The following FILIP1L variants were observed in gnomAD, a reference collection of about 807,000 sequenced individuals.
The protein encoded by FILIP1L is filamin A interacting protein 1 like.
Under a neutral mutation model 96.6 loss-of-function variants are expected in FILIP1L, and 55 were observed. The observed-to-expected ratio is 0.57, with a 90% CI of 0.46 to 0.71. The LOEUF (loss-of-function observed/expected upper bound fraction) is 0.71. Ranked by LOEUF, FILIP1L falls within the 30% of genes least tolerant of loss-of-function variation. The pLI is 0.00. For missense variants in FILIP1L, 1,304 were observed against 1,321.2 expected, an observed-to-expected ratio of 0.99 and a Z score of 0.20; for synonymous variants, 467 against 473.9, an observed-to-expected ratio of 0.99 and a Z score of 0.19.
intron 1 of FILIP1L, among the ~76,000 whole-genome samples, chr3:100,057,986 G>T (rs2065494374): frequency 6.6e-6 from 1 of 152,318 alleles, no homozygotes; most frequent in African/African-American, 2.4e-5. Context: ...ATTAGAGGCT[G>T]ACTCTCTGTG....
At chr3:100,076,877 A>T (rs1450836709) in intron 1 of FILIP1L, among the ~76,000 whole-genome samples, 1 of 152,208 alleles carries the variant, frequency 6.6e-6, no homozygotes, top group African/African-American at 2.4e-5. Context: ...TTTCTTGCCC[A>T]CTATTATGTC....
At chr3:99,840,396 G>A (rs1394436677) in intron 5 of FILIP1L, among the ~76,000 whole-genome samples, 2 of 151,708 alleles carry the variant, frequency 1.3e-5, no homozygotes, top group Non-Finnish European at 2.9e-5. Flanking sequence ...GCTAATTTTT[G>A]TATTTTTAGT....
chr3:100,050,331 A>G (rs1322384698), intron 1 of FILIP1L, among the ~76,000 whole-genome samples: 1 of 152,208 alleles, frequency 6.6e-6, no homozygotes, highest in Non-Finnish European at 1.5e-5. Flanking sequence ...AGTTTGGGCA[A>G]TATCAGAGAA....
chr3:100,049,866 T>C (rs1475754744), intron 1 of FILIP1L, among the ~76,000 whole-genome samples: 1 of 152,226 alleles, frequency 6.6e-6, no homozygotes, highest in East Asian at 1.9e-4. Context: ...ATTTTATCAA[T>C]AAGGCTTCTG....
intron 1 of FILIP1L, among the ~76,000 whole-genome samples, chr3:100,101,009 T>C (rs2066295125): frequency 2.6e-5 from 4 of 152,196 alleles, no homozygotes; most frequent in African/African-American, 9.6e-5. Context: ...CAGTGGCATC[T>C]CACTTGCATG....
At chr3:100,033,446 G>A (rs896672085) in intron 1 of FILIP1L, among the ~76,000 whole-genome samples, 4 of 152,134 alleles carry the variant, frequency 2.6e-5, no homozygotes, top group African/African-American at 9.7e-5. Context: ...AGAGCTTTGT[G>A]TTATCTTCTT....
intron 1 of FILIP1L, among the ~76,000 whole-genome samples, chr3:100,010,964 A>G (rs575079705): frequency 1.4e-4 from 22 of 151,986 alleles, no homozygotes; most frequent in Non-Finnish European, 2.9e-4. Context: ...AAGTCTACAA[A>G]TAATTGCCCC....
chr3:99,892,124 G>A (rs777532352), intron 4 of FILIP1L, among the ~76,000 whole-genome samples: 1 of 152,152 alleles, frequency 6.6e-6, no homozygotes, highest in Non-Finnish European at 1.5e-5. Context: ...AATATCACTG[G>A]AGTCTCATTC....
chr3:100,082,116 T>G (rs576163430), intron 1 of FILIP1L, among the ~76,000 whole-genome samples: 2 of 152,272 alleles, frequency 1.3e-5, no homozygotes, highest in South Asian at 4.1e-4. Context: ...TTCAGTTCAG[T>G]CTTTAAAATG....
intron 1 of FILIP1L, among the ~76,000 whole-genome samples, chr3:99,979,893 A>T (rs1709071500): frequency 6.6e-6 from 1 of 152,146 alleles, no homozygotes; most frequent in African/African-American, 2.4e-5. Flanking sequence ...AAAGAGAGAG[A>T]GCGGGACAAA....
intron 1 of FILIP1L, among the ~76,000 whole-genome samples, chr3:100,095,787 A>G (rs1278221037): frequency 1.3e-5 from 2 of 152,184 alleles, no homozygotes; most frequent in Admixed American, 6.5e-5. Flanking sequence ...ACATCAACTT[A>G]AAAAGCTTCT....
intron 5 of FILIP1L, chr3:99,833,251 AGTG>A: frequency 6.2e-7 from 1 of 1,612,284 alleles, no homozygotes; most frequent in South Asian, 1.1e-5. Context: ...AGGCAGAAGA[AGTG>A]GTTCCACCTA....
At chr3:99,969,958 C>G (rs925173406) in intron 1 of FILIP1L, among the ~76,000 whole-genome samples, 1 of 152,100 alleles carries the variant, frequency 6.6e-6, no homozygotes, top group Non-Finnish European at 1.5e-5. Context: ...TGAAATTCAA[C>G]AAATGAGGCT....
At chr3:99,974,035 C>T (rs1055199418) in intron 1 of FILIP1L, among the ~76,000 whole-genome samples, 4 of 152,200 alleles carry the variant, frequency 2.6e-5, no homozygotes, top group Non-Finnish European at 4.4e-5. Flanking sequence ...CAATTCCTTC[C>T]AAGTTTAAGA....
At chr3:99,987,812 T>C (rs1473712876) in intron 1 of FILIP1L, among the ~76,000 whole-genome samples, 1 of 152,196 alleles carries the variant, frequency 6.6e-6, no homozygotes, top group South Asian at 2.1e-4. Context: ...AAAAGAAATG[T>C]TTTTATTAAC....
At chr3:100,039,406 A>G (rs1028594495) in intron 1 of FILIP1L, among the ~76,000 whole-genome samples, 13 of 152,214 alleles carry the variant, frequency 8.5e-5, no homozygotes, top group Non-Finnish European at 1.9e-4. Flanking sequence ...TATGTAGTAT[A>G]AAGATTTCAC....
At chr3:100,094,014 T>C (rs1559755243) in intron 1 of FILIP1L, among the ~76,000 whole-genome samples, 1 of 152,216 alleles carries the variant, frequency 6.6e-6, no homozygotes, top group Non-Finnish European at 1.5e-5. Flanking sequence ...GGTAGTTTTA[T>C]AGAGTTACTG....
intron 1 of FILIP1L, among the ~76,000 whole-genome samples, chr3:99,999,939 A>G (rs1225625759): frequency 1.3e-5 from 2 of 152,196 alleles, no homozygotes; most frequent in South Asian, 2.1e-4. Context: ...TTGTGTTGAC[A>G]TAAAGGTATC....
At chr3:100,071,507 C>G (rs1380301362) in intron 1 of FILIP1L, among the ~76,000 whole-genome samples, 2 of 152,118 alleles carry the variant, frequency 1.3e-5, no homozygotes, top group African/African-American at 4.8e-5. Context: ...CTAAAATTTA[C>G]ATGGGAGAAG....
Sources: allele counts gnomAD v4.1 joint callset (sites outside exome capture counted in the v4.1 genomes callset), GRCh38; gene constraint gnomAD v4.1.1; transcripts MANE v1.5; gene names NCBI Gene and HGNC (gene_info 2026-07-23, HGNC 2026-07-21).